The following DCDC2 variants were observed in gnomAD, a reference collection of about 807,000 sequenced individuals.
DCDC2 encodes doublecortin domain containing 2.
A neutral mutation model predicts 50.2 loss-of-function variants in DCDC2; 40 were observed. The observed-to-expected ratio is 0.80, with a 90% CI of 0.62 to 1.04. The LOEUF (loss-of-function observed/expected upper bound fraction) is 1.04, where lower values mean the gene tolerates loss of function less well. Among genes scored for constraint, DCDC2 ranks in the 50% least tolerant of loss-of-function variants. DCDC2 has a pLI of 0.00. For missense variants in DCDC2, 570 were observed against 581.9 expected (o/e 0.98, Z 0.21); for synonymous variants, 234 against 210.6 (o/e 1.11, Z -0.96).
intron 2 of DCDC2, among the ~76,000 whole-genome samples, chr6:24,351,802 G>A (rs1399844967): frequency 6.6e-6 from 1 of 152,188 alleles, no homozygotes; most frequent in Admixed American, 6.5e-5. Context: ...GAATGCTTCT[G>A]TTATTAAAAA....
intron 6 of DCDC2, among the ~76,000 whole-genome samples, chr6:24,288,641 A>G (rs560461029): frequency 4.7e-4 from 71 of 152,340 alleles, no homozygotes; most frequent in Admixed American, 1.6e-3. Flanking sequence ...ATATACAAGG[A>G]AAAAATTTTA....
chr6:24,209,717 TATA>T (rs1761813894), intron 7 of DCDC2, among the ~76,000 whole-genome samples: 2 of 152,192 alleles, frequency 1.3e-5, no homozygotes, highest in Non-Finnish European at 2.9e-5. Flanking sequence ...GCACAGCAAG[TATA>T]ATAACAGAAT....
At chr6:24,370,631 G>T in the DCDC2 span, among the ~76,000 whole-genome samples, 1 of 152,134 alleles carries the variant, frequency 6.6e-6, no homozygotes, top group African/African-American at 2.4e-5. Context: ...GATTGCTCGG[G>T]CCTGGGAGAT....
At chr6:24,367,014 G>T in the DCDC2 span, among the ~76,000 whole-genome samples, 1 of 151,910 alleles carries the variant, frequency 6.6e-6, no homozygotes, top group Non-Finnish European at 1.5e-5. Context: ...TTTAAATGTT[G>T]TGGAGGGATG....
Position 24,172,757 on chromosome 6 carries a change from GC to G in DCDC2, c.*1972del, listed in dbSNP as rs1374706273. On this transcript the variant is annotated 3_prime_UTR_variant, in exon 10 of 10. Transcript: ENST00000378454. ...ACCTGTAATCCCAGCATTTTGGGAT[GC>G]AAAGGCGGGCGGATCACCTGAGGTC... 6.6e-6 allele frequency: 1 copy of G among 152,084 alleles called. No homozygotes were observed. The highest frequency in any genetic ancestry group is 1.5e-5 in the Non-Finnish European group (1 of 68,030). 9.4% of individuals were successfully genotyped at this position (152,084 alleles called of 1,614,324 possible).
chr6:24,245,093 T>A (rs973477273), intron 7 of DCDC2, among the ~76,000 whole-genome samples: 1 of 152,056 alleles, frequency 6.6e-6, no homozygotes, highest in Non-Finnish European at 1.5e-5. Context: ...ACTCAGGTGG[T>A]TGAGGCATGA....
chr6:24,368,953 G>A, the DCDC2 span, among the ~76,000 whole-genome samples: 1 of 152,052 alleles, frequency 6.6e-6, no homozygotes, highest in Admixed American at 6.5e-5. Flanking sequence ...GGCCAACATG[G>A]CGAAACCCCG....
chr6:24,226,325 G>C (rs1372160494), intron 7 of DCDC2, among the ~76,000 whole-genome samples: 2 of 152,162 alleles, frequency 1.3e-5, no homozygotes, highest in East Asian at 1.9e-4. Context: ...AGTGCTAATA[G>C]TACCATAAGA....
chr6:24,237,001 C>T (rs1272056879), intron 7 of DCDC2, among the ~76,000 whole-genome samples: 1 of 130,970 alleles, frequency 7.6e-6, no homozygotes, highest in Non-Finnish European at 1.8e-5. Flanking sequence ...AAGAGCAAAG[C>T]TCTGACTCAA....
At chr6:24,353,351 C>T in intron 2 of DCDC2, 1 of 628,882 alleles carries the variant, frequency 1.6e-6, no homozygotes, top group East Asian at 3.3e-5. Flanking sequence ...TTTGTCTAAT[C>T]TTGACATATC....
At chr6:24,202,179 CAGA>C (rs1332936830) in intron 8 of DCDC2, among the ~76,000 whole-genome samples, 1 of 151,430 alleles carries the variant, frequency 6.6e-6, no homozygotes, top group African/African-American at 2.4e-5. Flanking sequence ...AGAGACACAA[CAGA>C]AGAACATTTC....
chr6:24,179,706 G>A (rs1388860913), intron 8 of DCDC2, among the ~76,000 whole-genome samples: 1 of 148,092 alleles, frequency 6.8e-6, no homozygotes, highest in African/African-American at 2.5e-5. Flanking sequence ...TGTAATCCCA[G>A]CACTTTGGGA....
chr6:24,231,691 G>A (rs919060015), intron 7 of DCDC2, among the ~76,000 whole-genome samples: 3 of 151,952 alleles, frequency 2.0e-5, no homozygotes, highest in African/African-American at 7.3e-5. Flanking sequence ...GGAAGGAATA[G>A]CAGGAGACAT....
At chr6:24,191,712 G>A (rs1272598220) in intron 8 of DCDC2, among the ~76,000 whole-genome samples, 1 of 152,174 alleles carries the variant, frequency 6.6e-6, no homozygotes, top group African/African-American at 2.4e-5. Flanking sequence ...GAACACAGCA[G>A]ATTGAATAAA....
At chr6:24,237,124 T>C (rs533482794) in intron 7 of DCDC2, among the ~76,000 whole-genome samples, 1 of 151,390 alleles carries the variant, frequency 6.6e-6, no homozygotes, top group Admixed American at 6.6e-5. Context: ...ATTAGAGAAA[T>C]GCCATCAAAA....
At chr6:24,187,692 T>C (rs956188341) in intron 8 of DCDC2, among the ~76,000 whole-genome samples, 2 of 152,172 alleles carry the variant, frequency 1.3e-5, no homozygotes, top group African/African-American at 4.8e-5. Flanking sequence ...CCACTGACTC[T>C]GGATATTCGT....
intron 7 of DCDC2, among the ~76,000 whole-genome samples, chr6:24,219,765 A>G (rs1428208449): frequency 6.6e-6 from 1 of 152,206 alleles, no homozygotes; most frequent in Non-Finnish European, 1.5e-5. Flanking sequence ...AGTGAAGTTC[A>G]ATGAAAAACT....
chr6:24,359,247 A>T (rs1411771520), upstream of DCDC2, among the ~76,000 whole-genome samples: 4 of 74,936 alleles, frequency 5.3e-5, no homozygotes, highest in Non-Finnish European at 6.7e-5. Context: ...TATTTTATAT[A>T]TTATATATAA....
intron 7 of DCDC2, among the ~76,000 whole-genome samples, chr6:24,249,667 A>T (rs1762757499): frequency 6.6e-6 from 1 of 152,238 alleles, no homozygotes; most frequent in Non-Finnish European, 1.5e-5. Flanking sequence ...GAGTAAAGAC[A>T]GATTTAGTTG....
Sources: gnomAD v4.1 joint callset for allele counts (sites outside exome capture counted in the v4.1 genomes callset) on GRCh38, gnomAD v4.1.1 for gene constraint, MANE v1.5 for transcripts, NCBI Gene and HGNC (gene_info 2026-07-23, HGNC 2026-07-21) for gene names.